Variants in KCNMB2 observed in about 807,000 individuals in gnomAD.
KCNMB2 encodes potassium calcium-activated channel subfamily M regulatory beta subunit 2.
A neutral mutation model predicts 24.5 loss-of-function variants in KCNMB2; 9 were observed. That is an observed-to-expected ratio of 0.37 (90% CI 0.22 to 0.64). The LOEUF (loss-of-function observed/expected upper bound fraction) is 0.64, where lower values mean the gene tolerates loss of function less well. Among genes scored for constraint, KCNMB2 ranks in the 30% least tolerant of loss-of-function variants. KCNMB2 has a pLI of 0.63. For missense variants in KCNMB2, 226 were observed against 284.3 expected, an observed-to-expected ratio of 0.79 and a Z score of 1.47; for synonymous variants, 109 against 104.4, an observed-to-expected ratio of 1.04 and a Z score of -0.27.
intron 1 of KCNMB2, among the ~76,000 whole-genome samples, chr3:178,783,904 A>G (rs1271759173): frequency 6.6e-6 from 1 of 152,190 alleles, no homozygotes; most frequent in Non-Finnish European, 1.5e-5. Flanking sequence ...GTTTTTGTCC[A>G]TTCAGTATGA....
At chr3:178,549,312 T>C (rs1257984906) in intron 1 of KCNMB2, among the ~76,000 whole-genome samples, 1 of 149,196 alleles carries the variant, frequency 6.7e-6, no homozygotes, top group South Asian at 2.1e-4. Flanking sequence ...TTATTTTCTT[T>C]TTTTTTTTTT....
intron 1 of KCNMB2, among the ~76,000 whole-genome samples, chr3:178,575,422 G>A (rs1416406744): frequency 2.6e-5 from 4 of 152,130 alleles, no homozygotes; most frequent in Non-Finnish European, 5.9e-5. Flanking sequence ...TTTAAAATAT[G>A]TATACTAACA....
chr3:178,637,960 TG>T (rs1719588785), intron 1 of KCNMB2, among the ~76,000 whole-genome samples: 1 of 152,156 alleles, frequency 6.6e-6, no homozygotes, highest in Non-Finnish European at 1.5e-5. Flanking sequence ...ACCCTCTTAG[TG>T]ATACAGCTTT....
intron 1 of KCNMB2, among the ~76,000 whole-genome samples, chr3:178,611,926 T>C (rs983781252): frequency 3.9e-5 from 6 of 152,186 alleles, no homozygotes; most frequent in African/African-American, 1.4e-4. Context: ...CTTTGCTGTA[T>C]CCCATAGGTT....
chr3:178,713,292 T>A (rs977371249), intron 1 of KCNMB2, among the ~76,000 whole-genome samples: 3 of 152,192 alleles, frequency 2.0e-5, no homozygotes, highest in Non-Finnish European at 4.4e-5. Context: ...CTCAGAAAAA[T>A]TGCATTTCAT....
At chr3:178,552,908 C>A (rs1337012557) in intron 1 of KCNMB2, among the ~76,000 whole-genome samples, 1 of 152,162 alleles carries the variant, frequency 6.6e-6, no homozygotes, top group Non-Finnish European at 1.5e-5. Flanking sequence ...TCTTTGCTAA[C>A]TAGTGCAGAG....
chr3:178,568,850 TAGATGATAGATAGATAGATAGATA>T lies in KCNMB2; in HGVS notation c.-68+32140_-68+32163del, dbSNP rs1560112439. ...GATAGATGATAGATAGATAGATAGA[TAGATGATAGATAGATAGATAGATA>T]GATAGATAGATAGATAGATAGATAG... On this transcript the variant is annotated intron_variant, in intron 1 of 4. Coordinates refer to ENST00000452583, the MANE Select transcript of KCNMB2 (RefSeq NM_181361.3). 4.1e-3 allele frequency among the ~76,000 whole-genome samples: 440 copies of T among 108,132 alleles called. 3 individuals carry two copies. The highest frequency in any genetic ancestry group is 0.015 in the African/African-American group (414 of 27,686). The allele number at this position is 108,132 out of a possible 152,430, so 70.9% of individuals were successfully genotyped here. A position where few individuals can be genotyped will look rare whatever the true frequency, so the allele number is the denominator to read the frequency against.
At chr3:178,558,127 C>T (rs193087731) in intron 1 of KCNMB2, among the ~76,000 whole-genome samples, 3 of 152,286 alleles carry the variant, frequency 2.0e-5, no homozygotes, top group Non-Finnish European at 2.9e-5. Flanking sequence ...GATTGAATTG[C>T]TGCATCTCTG....
chr3:178,731,331 G>A (rs950836812), intron 1 of KCNMB2, among the ~76,000 whole-genome samples: 2 of 152,302 alleles, frequency 1.3e-5, no homozygotes, highest in South Asian at 4.1e-4. Context: ...AAATGATAGA[G>A]TGTCACCATT....
At chr3:178,537,790 T>C (rs1715459295) in intron 1 of KCNMB2, among the ~76,000 whole-genome samples, 1 of 152,226 alleles carries the variant, frequency 6.6e-6, no homozygotes, top group Non-Finnish European at 1.5e-5. Flanking sequence ...TGTTGTGTTG[T>C]TTCCCCAGTG....
intron 1 of KCNMB2, among the ~76,000 whole-genome samples, chr3:178,665,216 TAGAC>T (rs1157142861): frequency 2.6e-5 from 4 of 152,162 alleles, no homozygotes; most frequent in African/African-American, 9.6e-5. Flanking sequence ...ACATTTCTCA[TAGAC>T]AGGATTCATT....
At chr3:178,814,782 T>C (rs1714339263) in intron 2 of KCNMB2, among the ~76,000 whole-genome samples, 1 of 152,226 alleles carries the variant, frequency 6.6e-6, no homozygotes, top group African/African-American at 2.4e-5. Context: ...TTGAGAAGTG[T>C]CTGTTCACGT....
chr3:178,649,593 C>T (rs1032452329), intron 1 of KCNMB2, among the ~76,000 whole-genome samples: 1 of 151,660 alleles, frequency 6.6e-6, no homozygotes, highest in African/African-American at 2.4e-5. Flanking sequence ...CTGGTTTAGT[C>T]TTGGGAGGGT....
At chr3:178,611,038 T>C (rs1417104973) in intron 1 of KCNMB2, among the ~76,000 whole-genome samples, 1 of 152,232 alleles carries the variant, frequency 6.6e-6, no homozygotes, top group South Asian at 2.1e-4. Context: ...TTTTTGTGAA[T>C]AGTTTGAGTA....
chr3:178,606,927 C>T (rs933424081), intron 1 of KCNMB2, among the ~76,000 whole-genome samples: 13 of 152,154 alleles, frequency 8.5e-5, no homozygotes, highest in African/African-American at 2.9e-4. Flanking sequence ...AGCAAAAAGA[C>T]AGCCATCTAT....
chr3:178,575,744 C>T (rs945893935), intron 1 of KCNMB2, among the ~76,000 whole-genome samples: 4 of 152,122 alleles, frequency 2.6e-5, no homozygotes, highest in African/African-American at 7.2e-5. Context: ...TAAAAAAATG[C>T]TTGCAATACA....
intron 1 of KCNMB2, among the ~76,000 whole-genome samples, chr3:178,550,872 ATAG>A (rs1445799203): frequency 3.3e-5 from 5 of 152,228 alleles, no homozygotes; most frequent in African/African-American, 1.2e-4. Context: ...AGTGCAGCAC[ATAG>A]TAGCATTTCA....
chr3:178,792,517 G>A (rs1367019978), intron 1 of KCNMB2, among the ~76,000 whole-genome samples: 2 of 151,982 alleles, frequency 1.3e-5, no homozygotes, highest in Non-Finnish European at 2.9e-5. Flanking sequence ...AGAGAAGACT[G>A]CAAAACAACC....
intron 1 of KCNMB2, among the ~76,000 whole-genome samples, chr3:178,793,518 G>GGGT (rs200587860): frequency 8.6e-5 from 13 of 151,986 alleles, no homozygotes; most frequent in Non-Finnish European, 1.6e-4. Context: ...TCACCCTGGG[G>GGGT]GGGTGGGCAA....
Sources: allele counts gnomAD v4.1 joint callset (sites outside exome capture counted in the v4.1 genomes callset), GRCh38; gene constraint gnomAD v4.1.1; transcripts MANE v1.5; gene names NCBI Gene and HGNC (gene_info 2026-07-23, HGNC 2026-07-21).